Variants in DNAJC1 observed in about 807,000 individuals in gnomAD.
DNAJC1 encodes DnaJ heat shock protein family (Hsp40) member C1.
In DNAJC1, 58 loss-of-function variants were observed where a neutral mutation model predicts 76.6. That is an observed-to-expected ratio of 0.76 (90% CI 0.61 to 0.94). The LOEUF (loss-of-function observed/expected upper bound fraction) is 0.94, where lower values mean the gene tolerates loss of function less well. Among genes scored for constraint, DNAJC1 ranks in the 40% least tolerant of loss-of-function variants. The pLI is 0.00. For synonymous variants in DNAJC1, 258 were observed against 267.9 expected, an observed-to-expected ratio of 0.96 and a Z score of 0.36; for missense variants, 689 against 677.3, an observed-to-expected ratio of 1.02 and a Z score of -0.19.
chr10:21,847,425 C>CAAA (rs1835678094), intron 8 of DNAJC1, among the ~76,000 whole-genome samples: 1 of 152,110 alleles, frequency 6.6e-6, no homozygotes, highest in Admixed American at 6.5e-5. Flanking sequence ...AAAAATTTAT[C>CAAA]ATTTCTTTGG....
Position 21,967,437 on chromosome 10 carries a change from A to G in DNAJC1, c.222+35776T>C, listed in dbSNP as rs1473723503. Among the ~76,000 whole-genome samples, 13 of 152,218 alleles carry G rather than the reference A, an allele frequency of 8.5e-5. No homozygotes were observed. In the South Asian group the frequency reaches 2.3e-3, roughly 27 times the overall value. ...TTACTTTCTTGCACCACAGTGTTCT[A>G]GGATCATCCTCTGTTTTTCCTGTCC... On this transcript the variant is annotated intron_variant, in intron 1 of 11. Coordinates refer to ENST00000376980, the MANE Select transcript of DNAJC1 (RefSeq NM_022365.4).
chr10:21,798,902 T>C (rs1036765646), intron 9 of DNAJC1, among the ~76,000 whole-genome samples: 3 of 152,168 alleles, frequency 2.0e-5, no homozygotes, highest in Admixed American at 6.5e-5. Flanking sequence ...CACATTACTT[T>C]ATGTTCTCCT....
At chr10:21,805,844 G>T in intron 9 of DNAJC1, 136 bp downstream of exon 9, 1 of 1,079,982 alleles carries the variant, frequency 9.3e-7, no homozygotes, top group Non-Finnish European at 1.3e-6. Flanking sequence ...TTGCATTAAT[G>T]GTTCACTTTC....
intron 1 of DNAJC1, among the ~76,000 whole-genome samples, chr10:21,940,613 G>T (rs1837391001): frequency 6.6e-6 from 1 of 152,080 alleles, no homozygotes; most frequent in Admixed American, 6.5e-5. Flanking sequence ...TTTTAAACTA[G>T]TATCTAAATA....
In DNAJC1 at chr10:21,920,813, G is replaced by A. The variant is rs1056833952; in HGVS notation, c.522C>T (p.Tyr174=). The change falls in exon 4 of 12, where the codon TAC becomes TAT. Residue 174 remains tyrosine (Y), a synonymous_variant. Transcript: ENST00000376980. ...TAACACTTACCAGTTGTTTTTCCAG[G>A]TAGATTGACCAAACCACAGCATAAT... ...VGHYAVVWSI[Y]LEKQLDELLS... The A allele has an allele frequency of 4.3e-6, 7 of 1,609,416 alleles. No homozygotes were observed. In the African/African-American group the frequency reaches 9.4e-5, roughly 22 times the overall value.
chr10:21,776,609 T>G (rs568293873), intron 9 of DNAJC1, among the ~76,000 whole-genome samples: 1 of 151,982 alleles, frequency 6.6e-6, no homozygotes, highest in African/African-American at 2.4e-5. Context: ...TCCCTTCTCC[T>G]CCTAAATAAG....
chr10:21,845,982 A>G (rs1835653149), intron 8 of DNAJC1, among the ~76,000 whole-genome samples: 1 of 152,198 alleles, frequency 6.6e-6, no homozygotes, highest in Non-Finnish European at 1.5e-5. Flanking sequence ...TTAAATTGTA[A>G]TTGCTAAGTA....
At chr10:21,910,060 T>A (rs778892041) in intron 6 of DNAJC1, among the ~76,000 whole-genome samples, 3 of 152,166 alleles carry the variant, frequency 2.0e-5, no homozygotes, top group Non-Finnish European at 4.4e-5. Flanking sequence ...AGCCTGAAGA[T>A]ACAATATTTC....
At chr10:21,815,071 C>T (rs777123008) in intron 8 of DNAJC1, among the ~76,000 whole-genome samples, 1 of 152,170 alleles carries the variant, frequency 6.6e-6, no homozygotes, top group Non-Finnish European at 1.5e-5. Context: ...GGCACTGTGT[C>T]AAAGAGCTCT....
At chr10:21,882,844 C>T (rs1410623570) in intron 7 of DNAJC1, among the ~76,000 whole-genome samples, 2 of 152,076 alleles carry the variant, frequency 1.3e-5, no homozygotes, top group African/African-American at 4.8e-5. Context: ...AAAAACCTGG[C>T]TCTCACTAAA....
At chr10:21,812,686 C>A (rs981558292) in intron 8 of DNAJC1, among the ~76,000 whole-genome samples, 4 of 152,024 alleles carry the variant, frequency 2.6e-5, no homozygotes, top group African/African-American at 4.8e-5. Flanking sequence ...CCCGCCTTGG[C>A]CTCCGCAGAC....
chr10:21,763,896 G>A (rs1328616406), intron 10 of DNAJC1, among the ~76,000 whole-genome samples: 7 of 152,136 alleles, frequency 4.6e-5, no homozygotes, highest in Non-Finnish European at 1.0e-4. Flanking sequence ...CTTGGGAAAC[G>A]TTGGTGCCCT....
chr10:21,933,723 G>A (rs988910412), intron 1 of DNAJC1, among the ~76,000 whole-genome samples: 10 of 152,106 alleles, frequency 6.6e-5, no homozygotes, highest in African/African-American at 1.7e-4. Context: ...ACAATGAATC[G>A]CATATATGAT....
intron 8 of DNAJC1, among the ~76,000 whole-genome samples, chr10:21,829,812 T>A (rs1055631950): frequency 2.6e-5 from 4 of 152,264 alleles, no homozygotes; most frequent in African/African-American, 9.6e-5. Flanking sequence ...TTGGATTTAT[T>A]CCTTATCTTA....
At chr10:21,776,541 C>G (rs933779720) in intron 9 of DNAJC1, among the ~76,000 whole-genome samples, 8 of 152,176 alleles carry the variant, frequency 5.3e-5, no homozygotes, top group Non-Finnish European at 1.0e-4. Flanking sequence ...AAATACAAGG[C>G]ATGTTCTGTT....
chr10:21,939,007 C>T (rs1021270940), intron 1 of DNAJC1, among the ~76,000 whole-genome samples: 4 of 152,204 alleles, frequency 2.6e-5, no homozygotes, highest in African/African-American at 9.6e-5. Context: ...TCTCTTGCCT[C>T]AGCCTCCCCA....
chr10:21,965,306 AGACT>A (rs1173277240), intron 1 of DNAJC1, among the ~76,000 whole-genome samples: 3 of 152,208 alleles, frequency 2.0e-5, no homozygotes, highest in Non-Finnish European at 4.4e-5. Context: ...AAATAATTTT[AGACT>A]TACAGAAAAA....
At chr10:21,800,940 T>C (rs1460808526) in intron 9 of DNAJC1, among the ~76,000 whole-genome samples, 2 of 152,096 alleles carry the variant, frequency 1.3e-5, no homozygotes, top group African/African-American at 4.8e-5. Flanking sequence ...CATACAAACA[T>C]CAGTAAAGCA....
intron 6 of DNAJC1, among the ~76,000 whole-genome samples, chr10:21,909,925 G>A (rs563001957): frequency 1.3e-5 from 2 of 152,098 alleles, no homozygotes; most frequent in Non-Finnish European, 2.9e-5. Flanking sequence ...AACAGACTAA[G>A]GTCTATCAGT....
Sources: gnomAD v4.1 joint callset for allele counts (sites outside exome capture counted in the v4.1 genomes callset) on GRCh38, gnomAD v4.1.1 for gene constraint, MANE v1.5 for transcripts, NCBI Gene and HGNC (gene_info 2026-07-23, HGNC 2026-07-21) for gene names.